Variants in CSPP1 observed in about 807,000 individuals in gnomAD.
CSPP1 encodes centrosome and spindle pole associated protein 1, also known as centrosome and spindle pole-associated protein 1.
In CSPP1, 126 loss-of-function variants were observed where a neutral mutation model predicts 164.4. That is an observed-to-expected ratio of 0.77 (90% CI 0.66 to 0.89). The LOEUF is 0.89. Among genes scored for constraint, CSPP1 ranks in the 40% least tolerant of loss-of-function variants. The pLI is 0.00. For missense variants in CSPP1, 1,395 were observed against 1,449.8 expected, an observed-to-expected ratio of 0.96 and a Z score of 0.61; for synonymous variants, 472 against 476.7, an observed-to-expected ratio of 0.99 and a Z score of 0.13.
In CSPP1 at chr8:67,115,967, A is replaced by G; in HGVS notation, c.1341A>G (p.Ile447Met). ...CACCAAGACACTTTGAAGAGATGAT[A>G]CCACCTGAAAGACCCAGAATAGCTT... is the stretch of plus-strand genomic sequence containing the variant. ...SVAPRHFEEM[I>M]PPERPRIAFQ... is the part of the protein sequence containing the mutation. The change falls in exon 13 of 31, where the codon ATA becomes ATG. Residue 447 changes from isoleucine to methionine, a missense_variant. Coordinates refer to ENST00000678616, the MANE Select transcript of CSPP1 (RefSeq NM_001382391.1). 6.2e-7 allele frequency: 1 copy of G among 1,613,952 alleles called. No individual in the cohort carries two copies. The highest frequency in any genetic ancestry group is 1.1e-5 in the South Asian group (1 of 91,072).
chr8:67,083,079 GAATT>G (rs1809544504), intron 3 of CSPP1, among the ~76,000 whole-genome samples: 1 of 152,030 alleles, frequency 6.6e-6, no homozygotes, highest in Non-Finnish European at 1.5e-5. Context: ...GACAAAATAA[GAATT>G]AAAAAGTTAG....
chr8:67,079,798 T>A (rs1190277946), intron 3 of CSPP1, among the ~76,000 whole-genome samples: 1 of 152,246 alleles, frequency 6.6e-6, no homozygotes, highest in African/African-American at 2.4e-5. Flanking sequence ...GCTTCTCTTT[T>A]GTACCACAAT....
chr8:67,097,113 A>C (rs991214340), intron 7 of CSPP1, among the ~76,000 whole-genome samples: 8 of 152,176 alleles, frequency 5.3e-5, no homozygotes, highest in African/African-American at 1.9e-4. Flanking sequence ...TGGAGATAGG[A>C]ATACCTCAGG....
chr8:67,149,652 C>A, intron 17 of CSPP1, 131 bp from the exon 18 acceptor site: 1 of 553,688 alleles, frequency 1.8e-6, no homozygotes, highest in Non-Finnish European at 3.0e-6. Context: ...AGGGCACCAA[C>A]ATATCATTGA....
chr8:67,153,588 T>G (rs1459827745), intron 18 of CSPP1, among the ~76,000 whole-genome samples: 1 of 152,116 alleles, frequency 6.6e-6, no homozygotes, highest in Non-Finnish European at 1.5e-5. Flanking sequence ...TTACTGATTT[T>G]TAAAAACGGT....
In CSPP1 at chr8:67,123,368, A is replaced by G. The variant is rs970792521; in HGVS notation, c.1697+4547A>G. 3.3e-5 allele frequency among the ~76,000 whole-genome samples: 5 copies of G among 152,250 alleles called. No homozygotes were observed. The East Asian group carries it at 9.6e-4, about 29-fold the overall frequency. On this transcript the variant is annotated intron_variant, in intron 15 of 30. Coordinates refer to ENST00000678616, the MANE Select transcript of CSPP1 (RefSeq NM_001382391.1). ...TGTCTCTGCTAACAATTTTTGTCAT[A>G]AAGTGCTTTTAGTTCTAATATAAAT...
At chr8:67,175,532 T>C (rs1374575108) in intron 26 of CSPP1, 96 bp downstream of exon 26, 6 of 1,415,902 alleles carry the variant, frequency 4.2e-6, no homozygotes, top group African/African-American at 2.8e-5. Flanking sequence ...CCAGGCATCC[T>C]CCTTTCACTG....
In CSPP1 at chr8:67,105,933, G is replaced by A. The variant is rs763342701; in HGVS notation, c.1051G>A (p.Ala351Thr). Residue 351 changes from alanine (A) to threonine (T), a missense_variant, in exon 9 of 31, where the codon GCT becomes ACT. Transcript: ENST00000678616. ...TCCAGACAATGAAACATCCAAATCT[G>A]CTAATCAAGATACCTGTAGTCCTTT... is the stretch of plus-strand genomic sequence containing the variant. ...SAPDNETSKSANQDTCSPFAG... is the reference protein window; with the variant it reads ...SAPDNETSKSTNQDTCSPFAG... The A allele has an allele frequency of 6.3e-7, 1 of 1,592,014 alleles. No homozygotes were observed. The highest frequency in any genetic ancestry group is 1.7e-5 in the Admixed American group (1 of 59,982).
intron 16 of CSPP1, chr8:67,134,133 G>A (rs920561969): frequency 6.6e-6 from 1 of 152,084 alleles, no homozygotes; most frequent in Non-Finnish European, 1.5e-5. Flanking sequence ...TTCCTTCCAT[G>A]ACTCACAAAT....
rs7820540 is a variant in CSPP1 at position 67,193,765 on chromosome 8, A to G, written c.3469+163A>G. Among the ~76,000 whole-genome samples, 2,356 of 152,342 alleles carry G rather than the reference A, an allele frequency of 0.015. 54 individuals are homozygous for G. Among genetic ancestry groups the G allele is most frequent in the African/African-American group, 0.052 (2,173 of 41,578 alleles). The stretch of plus-strand genomic sequence containing the variant: ...TAACTATTGAGCAAAACCAGACCTC[A>G]GGATGCAGTTTGCATCAGATTTTCT... On this transcript the variant is annotated intron_variant, in intron 30 of 30. Coordinates refer to ENST00000678616, the MANE Select transcript of CSPP1 (RefSeq NM_001382391.1).
intron 2 of CSPP1, 130 bp from the exon 3 acceptor site, chr8:67,076,352 C>G: frequency 2.4e-6 from 1 of 415,504 alleles, no homozygotes; most frequent in Non-Finnish European, 4.2e-6. Context: ...ATTCCTCAAA[C>G]CTTACACTTA....
At chr8:67,171,138 C>T (rs1830390549) in intron 24 of CSPP1, among the ~76,000 whole-genome samples, 1 of 148,086 alleles carries the variant, frequency 6.8e-6, no homozygotes, top group African/African-American at 2.5e-5. Flanking sequence ...GGCTCATGCA[C>T]GCCTGTAATC....
chr8:67,167,401 C>G (rs1306779588), intron 24 of CSPP1, among the ~76,000 whole-genome samples: 2 of 149,554 alleles, frequency 1.3e-5, no homozygotes, highest in Admixed American at 6.6e-5. Context: ...GGGGCTGCCC[C>G]CCACCTCCCT....
chr8:67,106,695 C>T (rs1815610746), intron 9 of CSPP1, among the ~76,000 whole-genome samples: 1 of 151,964 alleles, frequency 6.6e-6, no homozygotes, highest in South Asian at 2.1e-4. Flanking sequence ...CTGGTTTATA[C>T]CTTTAAATAT....
At chr8:67,107,983 GTTTT>G (rs34204898) in intron 9 of CSPP1, among the ~76,000 whole-genome samples, 11 of 127,160 alleles carry the variant, frequency 8.7e-5, no homozygotes, top group Admixed American at 2.5e-4. Flanking sequence ...CTTTGACAAA[GTTTT>G]TTTTTTTTTT....
At chr8:67,135,750 G>A (rs1340941882) in intron 16 of CSPP1, 1 of 152,136 alleles carries the variant, frequency 6.6e-6, no homozygotes, top group East Asian at 1.9e-4. Context: ...AATTTTTCCT[G>A]TGCATTTACA....
At chr8:67,190,536 G>A in intron 28 of CSPP1, 114 bp from the exon 29 acceptor site, 1 of 730,242 alleles carries the variant, frequency 1.4e-6, no homozygotes. Context: ...CATACATTGA[G>A]TGTGTTTCAT....
chr8:67,174,027 G>A (rs1362237109), intron 25 of CSPP1: 1 of 152,158 alleles, frequency 6.6e-6, no homozygotes, highest in African/African-American at 2.4e-5. Context: ...GCGTGTGTGT[G>A]TGTGACATAC....
At chr8:67,074,434 T>G in intron 2 of CSPP1, 83 bp downstream of exon 2, 2 of 743,724 alleles carry the variant, frequency 2.7e-6, no homozygotes, top group East Asian at 5.9e-5. Context: ...AACATCCTCT[T>G]CTATGAGTGA....
Sources: gnomAD v4.1 joint callset for allele counts (sites outside exome capture counted in the v4.1 genomes callset) on GRCh38, gnomAD v4.1.1 for gene constraint, MANE v1.5 for transcripts, NCBI Gene and HGNC (gene_info 2026-07-23, HGNC 2026-07-21) for gene names.